The following CYP39A1 variants were observed in gnomAD, a reference collection of about 807,000 sequenced individuals.
CYP39A1 encodes the protein cytochrome P450 family 39 subfamily A member 1, also known as 24-hydroxycholesterol 7-alpha-hydroxylase.
CYP39A1 carries 49 observed loss-of-function variants against 58.1 expected under a neutral mutation model. That is an observed-to-expected ratio of 0.84 (90% CI 0.67 to 1.07). The LOEUF (loss-of-function observed/expected upper bound fraction) is 1.07. Among genes scored for constraint, CYP39A1 ranks in the 50% least tolerant of loss-of-function variants. The probability of loss-of-function intolerance (pLI) is 0.00; values close to 1 mark genes in which losing one functional copy is unlikely to be tolerated. For missense variants in CYP39A1, 531 were observed against 539.4 expected (o/e 0.98, Z 0.16); for synonymous variants, 209 against 187.6 (o/e 1.11, Z -0.93).
chr6:46,642,828 T>C (rs1776428802), intron 1 of CYP39A1, among the ~76,000 whole-genome samples: 2 of 152,230 alleles, frequency 1.3e-5, no homozygotes, highest in African/African-American at 4.8e-5. Context: ...TCTGACATAG[T>C]GTCCCTGCCT....
intron 10 of CYP39A1, among the ~76,000 whole-genome samples, chr6:46,568,703 T>C (rs922684591): frequency 3.3e-5 from 5 of 152,060 alleles, no homozygotes; most frequent in Non-Finnish European, 7.4e-5. Context: ...GACCACATAT[T>C]CCAGGGTCTA....
intron 10 of CYP39A1, among the ~76,000 whole-genome samples, chr6:46,561,738 A>G (rs983855486): frequency 3.3e-5 from 5 of 152,300 alleles, no homozygotes; most frequent in Non-Finnish European, 7.3e-5. Flanking sequence ...TATTCAATAA[A>G]TACTTCCTGG....
At chr6:46,577,829 T>G (rs1054494609) in intron 10 of CYP39A1, among the ~76,000 whole-genome samples, 1 of 152,118 alleles carries the variant, frequency 6.6e-6, no homozygotes, top group Non-Finnish European at 1.5e-5. Context: ...ACAATAATAG[T>G]GGGAGACTTT....
At chr6:46,612,114 A>C (rs905232899) in intron 7 of CYP39A1, among the ~76,000 whole-genome samples, 16 of 152,224 alleles carry the variant, frequency 1.1e-4, no homozygotes, top group Non-Finnish European at 2.2e-4. Context: ...ATATCAAATA[A>C]TCTACAGCTA....
intron 8 of CYP39A1, among the ~76,000 whole-genome samples, chr6:46,590,339 TG>T (rs1207551916): frequency 6.6e-6 from 1 of 151,958 alleles, no homozygotes; most frequent in Non-Finnish European, 1.5e-5. Context: ...AATCTAGAAG[TG>T]GGGCTTTCTT....
At position 46,564,109 on chromosome 6, in the gene CYP39A1, T is replaced by A. The variant is rs921363738; in HGVS notation, c.1251-10255A>T. Among the ~76,000 whole-genome samples, 5 of 121,138 alleles carry A rather than the reference T, an allele frequency of 4.1e-5. 1 individual carries two copies. Among genetic ancestry groups the A allele is most frequent in the Non-Finnish European group, 6.2e-5 (4 of 64,716 alleles). 79.5% of individuals were successfully genotyped at this position (121,138 alleles called of 152,430 possible). A position where few individuals can be genotyped will look rare whatever the true frequency, so the allele number is the denominator to read the frequency against. On this transcript the variant is annotated intron_variant, in intron 10 of 11. Coordinates refer to ENST00000275016, the MANE Select transcript of CYP39A1 (RefSeq NM_016593.5). ...TTTGTTTTTTATTTTGTATTTTTTTTATTTTATTCTATTTTATTCTATTTT... is the reference window on the plus strand; with the variant it reads ...TTTGTTTTTTATTTTGTATTTTTTTAATTTTATTCTATTTTATTCTATTTT...
intron 10 of CYP39A1, among the ~76,000 whole-genome samples, chr6:46,555,189 C>T (rs1272397376): frequency 1.3e-5 from 2 of 152,178 alleles, no homozygotes; most frequent in African/African-American, 2.4e-5. Context: ...TGGCTCTAGC[C>T]ACGTTATATT....
chr6:46,589,770 GAT>G (rs1180285444), intron 8 of CYP39A1, among the ~76,000 whole-genome samples: 2 of 151,168 alleles, frequency 1.3e-5, no homozygotes, highest in South Asian at 2.1e-4. Flanking sequence ...AGAGGGCCGT[GAT>G]GTGTATTTGA....
In CYP39A1 at chr6:46,553,874, T is replaced by C. The variant is rs756512451; in HGVS notation, c.1251-20A>G. The C allele has an allele frequency of 9.5e-6, 14 of 1,477,660 alleles. No individual in the cohort carries two copies. Among genetic ancestry groups the C allele is most frequent in the Non-Finnish European group, 1.3e-5 (14 of 1,071,664 alleles). 91.5% of individuals were successfully genotyped at this position (1,477,660 alleles called of 1,614,324 possible). A position where few individuals can be genotyped will look rare whatever the true frequency, so the allele number is the denominator to read the frequency against. ...AACCACCTGGAAGAAACGAATAAAA[T>C]TGTTACTTGATTGTGAAAGATGTAT... On this transcript the variant is annotated intron_variant, in intron 10 of 11. Coordinates refer to ENST00000275016, the MANE Select transcript of CYP39A1 (RefSeq NM_016593.5).
At chr6:46,572,280 A>G (rs1561957433) in intron 10 of CYP39A1, among the ~76,000 whole-genome samples, 1 of 152,000 alleles carries the variant, frequency 6.6e-6, no homozygotes, top group Non-Finnish European at 1.5e-5. Context: ...ACTTTCATGC[A>G]TTTTTATGTT....
chr6:46,555,479 A>G (rs1209696806), intron 10 of CYP39A1, among the ~76,000 whole-genome samples: 1 of 152,082 alleles, frequency 6.6e-6, no homozygotes, highest in Non-Finnish European at 1.5e-5. Context: ...GAATAAATGA[A>G]TAGTGATGGA....
In CYP39A1 at chr6:46,641,036, T is replaced by C. The variant is rs895140651; in HGVS notation, c.313+1127A>G. Reference sequence around the variant, plus strand: ...TGCTACTATACATCTTCTGTATGTATAGTAGCATACATCTACTATATGGGA... The same window carrying C: ...TGCTACTATACATCTTCTGTATGTACAGTAGCATACATCTACTATATGGGA... On this transcript the variant is annotated intron_variant, in intron 2 of 11. Coordinates refer to ENST00000275016, the MANE Select transcript of CYP39A1 (RefSeq NM_016593.5). Among the ~76,000 whole-genome samples the C allele has an allele frequency of 7.2e-5, 11 of 152,066 alleles. No homozygotes were observed. The South Asian group carries it at 2.3e-3, about 32-fold the overall frequency.
chr6:46,642,347 G>A, intron 1 of CYP39A1, 49 bp from the exon 2 acceptor site: 1 of 1,536,230 alleles, frequency 6.5e-7, no homozygotes, highest in Non-Finnish European at 8.8e-7. Context: ...CCTAAGCCAT[G>A]TTTAAGACCA....
In CYP39A1 at chr6:46,550,173, T is replaced by C. The variant is rs527814678; in HGVS notation, c.*193A>G. 1.2e-3 allele frequency: 520 copies of C among 436,488 alleles called. 2 individuals are homozygous for C. Among genetic ancestry groups the C allele is most frequent in the African/African-American group, 9.7e-3 (484 of 49,702 alleles). The allele number at this position is 436,488 out of a possible 1,614,324, so 27.0% of individuals were successfully genotyped here. A position where few individuals can be genotyped will look rare whatever the true frequency, so the allele number is the denominator to read the frequency against. ...AAACCATGTATTCCGGTCTCTATAT[T>C]ACTGAGAGTGATGTTAGATTCTTGG... is the stretch of plus-strand genomic sequence containing the variant. On this transcript the variant is annotated 3_prime_UTR_variant, in exon 12 of 12. Coordinates refer to ENST00000275016, the MANE Select transcript of CYP39A1 (RefSeq NM_016593.5).
At chr6:46,641,128 T>C (rs985119086) in intron 2 of CYP39A1, among the ~76,000 whole-genome samples, 12 of 151,996 alleles carry the variant, frequency 7.9e-5, no homozygotes, top group Non-Finnish European at 1.8e-4. Flanking sequence ...TATTTAAACA[T>C]GAAAGTCCCC....
chr6:46,652,178 CA>C (rs1348946327), intron 1 of CYP39A1, among the ~76,000 whole-genome samples: 1 of 152,164 alleles, frequency 6.6e-6, no homozygotes, highest in African/African-American at 2.4e-5. Flanking sequence ...TCTCTACTTC[CA>C]AAAATGTCGA....
At chr6:46,651,598 C>G (rs533908880) in intron 1 of CYP39A1, among the ~76,000 whole-genome samples, 6 of 151,896 alleles carry the variant, frequency 4.0e-5, no homozygotes, top group African/African-American at 1.4e-4. Flanking sequence ...ATGTTTTTTA[C>G]TAAATTGGAA....
chr6:46,606,193 C>T (rs1773833939), intron 7 of CYP39A1, among the ~76,000 whole-genome samples: 1 of 151,996 alleles, frequency 6.6e-6, no homozygotes, highest in Non-Finnish European at 1.5e-5. Flanking sequence ...GAAACAGAAG[C>T]TTGTTTTGAA....
rs10568938 is a variant in CYP39A1, at chr6:46,627,422, ATTTT to A, written c.841-1918_841-1915del. 4.4e-4 allele frequency among the ~76,000 whole-genome samples: 57 copies of A among 129,758 alleles called. No individual in the cohort carries two copies. The South Asian group carries it at 6.6e-3, about 15-fold the overall frequency. The allele number at this position is 129,758 out of a possible 152,430, so 85.1% of individuals were successfully genotyped here. A position where few individuals can be genotyped will look rare whatever the true frequency, so the allele number is the denominator to read the frequency against. The stretch of plus-strand genomic sequence containing the variant: ...AAATGGCTGTTACTTTTATTTATTT[ATTTT>A]TTTTTTTTTTGAGACAGAGTCTCGC... On this transcript the variant is annotated intron_variant, in intron 6 of 11. Transcript: ENST00000275016.
Sources: gnomAD v4.1 joint callset for allele counts (sites outside exome capture counted in the v4.1 genomes callset) on GRCh38, gnomAD v4.1.1 for gene constraint, MANE v1.5 for transcripts, NCBI Gene and HGNC (gene_info 2026-07-23, HGNC 2026-07-21) for gene names.